ATP2C1: variants seen among roughly 807,000 people sequenced by gnomAD.
ATP2C1 encodes the protein calcium-transporting ATPase type 2C member 1.
ATP2C1 carries 31 observed loss-of-function variants against 120.5 expected under a neutral mutation model. The observed-to-expected ratio is 0.26, with a 90% CI of 0.19 to 0.35. The LOEUF (loss-of-function observed/expected upper bound fraction) is 0.35. ATP2C1 is among the 10% of genes least tolerant of loss of function. ATP2C1 has a pLI of 1.00. For missense variants in ATP2C1, 731 were observed against 1,107.5 expected (o/e 0.66, Z 4.83); for synonymous variants, 351 against 358.7 (o/e 0.98, Z 0.24).
At chr3:131,004,658 T>G (rs138582368), downstream of ATP2C1, among the ~76,000 whole-genome samples, 3 of 152,354 alleles carry the variant, frequency 2.0e-5, no homozygotes, top group East Asian at 5.8e-4. Context: ...CATGGGATCC[T>G]CAAAGAAATT....
intron 1 of ATP2C1, chr3:130,855,975 A>G (rs1056367374): frequency 1.3e-5 from 2 of 151,068 alleles, no homozygotes; most frequent in African/African-American, 2.5e-5. Flanking sequence ...TCTCTTGAAC[A>G]GAGATTTTTT....
downstream of ATP2C1, among the ~76,000 whole-genome samples, chr3:131,006,475 T>A (rs958517421): frequency 6.6e-6 from 1 of 152,186 alleles, no homozygotes; most frequent in Non-Finnish European, 1.5e-5. Context: ...TCCTACACAA[T>A]GCTCCAATAC....
chr3:130,855,435 C>A (rs1489209596), intron 1 of ATP2C1, among the ~76,000 whole-genome samples: 1 of 152,016 alleles, frequency 6.6e-6, no homozygotes, highest in Non-Finnish European at 1.5e-5. Context: ...TGTTTTTATG[C>A]AGGTGAGGGT....
chr3:130,887,175 CA>C (rs2068998778), intron 1 of ATP2C1, among the ~76,000 whole-genome samples: 1 of 152,126 alleles, frequency 6.6e-6, no homozygotes, highest in South Asian at 2.1e-4. Context: ...TACTTTTTCC[CA>C]AACAAATGAA....
At chr3:130,925,988 A>G (rs762066968) in intron 2 of ATP2C1, among the ~76,000 whole-genome samples, 20 of 152,144 alleles carry the variant, frequency 1.3e-4, no homozygotes, top group Non-Finnish European at 2.6e-4. Flanking sequence ...TGCCTCCCCA[A>G]CATCACCAAG....
chr3:130,854,812 T>C (rs1208470995), intron 1 of ATP2C1, among the ~76,000 whole-genome samples: 1 of 152,208 alleles, frequency 6.6e-6, no homozygotes, highest in Admixed American at 6.5e-5. Context: ...TCCCATGGTT[T>C]CAAACACCTA....
intron 26 of ATP2C1, 36 bp downstream of exon 26, chr3:130,998,425 G>T: frequency 1.4e-6 from 2 of 1,450,052 alleles, no homozygotes; most frequent in South Asian, 2.3e-5. Context: ...TGACTTGATT[G>T]ACTCACTTGA....
At chr3:130,867,045 T>C (rs922105714) in intron 1 of ATP2C1, among the ~76,000 whole-genome samples, 2 of 152,232 alleles carry the variant, frequency 1.3e-5, no homozygotes, top group Non-Finnish European at 1.5e-5. Context: ...TTTTTGATGT[T>C]ACTATTGTAA....
intron 2 of ATP2C1, among the ~76,000 whole-genome samples, chr3:130,928,505 T>C (rs981562315): frequency 6.6e-6 from 1 of 152,222 alleles, no homozygotes; most frequent in Non-Finnish European, 1.5e-5. Flanking sequence ...GGCTGTCATA[T>C]TGCATGCTGG....
At chr3:130,952,845 C>G (rs73869010) in intron 8 of ATP2C1, among the ~76,000 whole-genome samples, 3,215 of 152,240 alleles carry the variant, frequency 0.021, 117 homozygotes, top group African/African-American at 0.073. Context: ...GTTAGGTTTA[C>G]TTTTTCCACC....
In ATP2C1 at chr3:130,996,075, A is replaced by G. The variant is rs754066425; in HGVS notation, c.2090A>G (p.Asn697Ser). The G allele has an allele frequency of 9.9e-6, 16 of 1,611,468 alleles. No individual in the cohort carries two copies. The highest frequency in any genetic ancestry group is 5.9e-6 in the Non-Finnish European group (7 of 1,177,852). Residue 697 changes from asparagine to serine, a missense_variant, in exon 23 of 28, where the codon AAT becomes AGT. Around this residue, in one of 3 missense-constraint regions of ATP2C1, gnomAD observed 571 missense variants for 845.9 expected, o/e 0.67. Coordinates refer to ENST00000510168, the MANE Select transcript of ATP2C1 (RefSeq NM_001378687.1). ...SAIEEGKGIYNNIKNFVRFQL... is the reference protein window; with the variant it reads ...SAIEEGKGIYSNIKNFVRFQL... Reference sequence around the variant, plus strand: ...ATCGAAGAGGGTAAAGGGATTTATAATAACATTAAAAATTTCGTTAGATTC... The same window carrying G: ...ATCGAAGAGGGTAAAGGGATTTATAGTAACATTAAAAATTTCGTTAGATTC...
rs918561977 is a variant in ATP2C1, at chr3:130,994,190, G to A, written c.2057+92G>A. 1.6e-5 allele frequency: 23 copies of A among 1,470,650 alleles called. No homozygotes were observed. The African/African-American group carries it at 2.2e-4, about 14-fold the overall frequency. The allele number at this position is 1,470,650 out of a possible 1,614,324, so 91.1% of individuals were successfully genotyped here. A position where few individuals can be genotyped will look rare whatever the true frequency, so the allele number is the denominator to read the frequency against. ...AGAGAATTCAACTGGAAAAGAATTA[G>A]TATTTAAACATTAGGTAAACTAAAC... On this transcript the variant is annotated intron_variant, in intron 22 of 27. Coordinates refer to ENST00000510168, the MANE Select transcript of ATP2C1 (RefSeq NM_001378687.1).
Position 130,894,965 on chromosome 3 carries a change from T to G in ATP2C1, c.6+190T>G, listed in dbSNP as rs370175869. 1.2e-4 allele frequency among the ~76,000 whole-genome samples: 19 copies of G among 152,266 alleles called. No individual in the cohort carries two copies. Among genetic ancestry groups the G allele is most frequent in the African/African-American group, 4.6e-4 (19 of 41,534 alleles). On this transcript the variant is annotated intron_variant, in intron 2 of 27. Transcript: ENST00000510168. The surrounding 1 kb of genome is among the most constrained non-coding windows in gnomAD (Gnocchi z 4.5). Reference sequence around the variant, plus strand: ...TGGTAACATGGGGCATTTGAGAGATTGAGGTTCTGTGGGTGACTGAGCTTG... The same window carrying G: ...TGGTAACATGGGGCATTTGAGAGATGGAGGTTCTGTGGGTGACTGAGCTTG...
At chr3:130,980,078 A>G (rs955332606) in intron 19 of ATP2C1, among the ~76,000 whole-genome samples, 2 of 152,064 alleles carry the variant, frequency 1.3e-5, no homozygotes, top group African/African-American at 4.8e-5. Flanking sequence ...TTCGATGTTT[A>G]TTTTCATTTA....
chr3:130,903,695 C>A (rs375089978), intron 2 of ATP2C1, among the ~76,000 whole-genome samples: 1 of 104,580 alleles, frequency 9.6e-6, no homozygotes, highest in Non-Finnish European at 2.0e-5. Context: ...CCCATTTCCC[C>A]TTTCCCCTTT....
downstream of ATP2C1, among the ~76,000 whole-genome samples, chr3:131,003,936 C>A (rs577408171): frequency 6.6e-6 from 1 of 152,324 alleles, no homozygotes; most frequent in South Asian, 2.1e-4. Context: ...GCCTCTGTCA[C>A]TTGGCAATTC....
chr3:130,974,492 C>T (rs541857070), intron 17 of ATP2C1, among the ~76,000 whole-genome samples: 2 of 152,270 alleles, frequency 1.3e-5, no homozygotes, highest in Admixed American at 6.5e-5. Flanking sequence ...CATACCTGAC[C>T]GTTGTGGAGT....
intron 20 of ATP2C1, among the ~76,000 whole-genome samples, chr3:130,981,201 T>C (rs546640049): frequency 2.0e-5 from 3 of 152,246 alleles, no homozygotes; most frequent in Non-Finnish European, 2.9e-5. Flanking sequence ...TGTGGTACCT[T>C]CTCCCCCTAC....
At chr3:130,872,709 C>T (rs892188823) in intron 1 of ATP2C1, among the ~76,000 whole-genome samples, 1 of 151,942 alleles carries the variant, frequency 6.6e-6, no homozygotes, top group African/African-American at 2.4e-5. Context: ...CTTAGCCTCC[C>T]GAGTAGCTGT....
Sources: allele counts gnomAD v4.1 joint callset (sites outside exome capture counted in the v4.1 genomes callset), GRCh38; gene constraint gnomAD v4.1.1; regional missense constraint gnomAD v4.1.1; non-coding constraint Gnocchi (gnomAD v3.1); transcripts MANE v1.5; gene names NCBI Gene and HGNC (gene_info 2026-07-23, HGNC 2026-07-21).